POLH: variants seen among roughly 807,000 people sequenced by gnomAD.
POLH encodes the protein DNA polymerase eta transcript.
In POLH, 53 loss-of-function variants were observed where a neutral mutation model predicts 73.6. That is an observed-to-expected ratio of 0.72 (90% CI 0.58 to 0.91). POLH has a LOEUF of 0.91. POLH is among the 40% of genes least tolerant of loss of function. The pLI is 0.00. For synonymous variants in POLH, 292 were observed against 308.5 expected, an observed-to-expected ratio of 0.95 and a Z score of 0.56; for missense variants, 768 against 865.4, an observed-to-expected ratio of 0.89 and a Z score of 1.41.
At chr6:43,592,325 T>C (rs1765545035) in intron 4 of POLH, among the ~76,000 whole-genome samples, 1 of 152,102 alleles carries the variant, frequency 6.6e-6, no homozygotes, top group East Asian at 1.9e-4. Context: ...TACTGAGCTT[T>C]CCATCAACTT....
chr6:43,599,232 A>T (rs1766455944), intron 5 of POLH, among the ~76,000 whole-genome samples: 1 of 151,334 alleles, frequency 6.6e-6, no homozygotes, highest in African/African-American at 2.4e-5. Flanking sequence ...CAAGTGATTC[A>T]CCCACCTCGG....
chr6:43,610,005 T>C (rs1198918239), intron 9 of POLH, among the ~76,000 whole-genome samples: 2 of 151,950 alleles, frequency 1.3e-5, no homozygotes, highest in African/African-American at 4.8e-5. Context: ...TGTGGAACCA[T>C]GTAATCAGAT....
chr6:43,578,467 C>A, intron 1 of POLH: 1 of 435,140 alleles, frequency 2.3e-6, no homozygotes, highest in South Asian at 1.7e-5. Flanking sequence ...TTGTGGAAGT[C>A]AAATATCAGT....
chr6:43,608,107 G>A (rs1299685717), intron 9 of POLH, among the ~76,000 whole-genome samples: 1 of 152,114 alleles, frequency 6.6e-6, no homozygotes, highest in Admixed American at 6.6e-5. Context: ...TCCAGCATGA[G>A]CAACAAGAGC....
intron 1 of POLH, among the ~76,000 whole-genome samples, chr6:43,581,264 G>A (rs1173495128): frequency 6.7e-6 from 1 of 149,470 alleles, no homozygotes; most frequent in East Asian, 2.0e-4. Context: ...TGGGGCGGCG[G>A]GGCAGAGGCG....
intron 4 of POLH, chr6:43,588,389 C>A (rs896630525): frequency 6.6e-6 from 1 of 151,596 alleles, no homozygotes; most frequent in Non-Finnish European, 1.5e-5. Flanking sequence ...CCCTTCCTTT[C>A]TTTTCTTTCT....
chr6:43,587,464 A>G lies in POLH; in HGVS notation c.465A>G (p.Thr155=). Residue 155 remains threonine, a synonymous_variant, in exon 4 of 11, where the codon ACA becomes ACG. Transcript: ENST00000372236. ...TYIEGLPQGP[T]TAEETVQKEG... is the part of the protein sequence containing the mutation. The stretch of plus-strand genomic sequence containing the variant: ...TTGAAGGGTTGCCCCAAGGCCCTAC[A>G]ACGGCAGAAGAGACTGTTCAGAAAG... 6.2e-7 allele frequency: 1 copy of G among 1,613,950 alleles called. No homozygotes were observed. The highest frequency in any genetic ancestry group is 2.2e-5 in the East Asian group (1 of 44,880).
chr6:43,604,797 T>A (rs1217701831), intron 8 of POLH, 59 bp downstream of exon 8: 2 of 1,589,808 alleles, frequency 1.3e-6, no homozygotes, highest in African/African-American at 1.3e-5. Flanking sequence ...GGGTAGGTTT[T>A]GGTAGCTGTG....
chr6:43,582,892 G>A (rs984171719), intron 2 of POLH, 115 bp from the exon 3 acceptor site: 59 of 848,566 alleles, frequency 7.0e-5, no homozygotes, highest in South Asian at 5.7e-4. Context: ...TTGAATGATG[G>A]CATCTGTGGT....
Position 43,595,379 on chromosome 6 carries a change from C to A in POLH, c.491-2317C>A, listed in dbSNP as rs9333536. Among the ~76,000 whole-genome samples, 1,180 of 152,056 alleles carry A rather than the reference C, an allele frequency of 7.8e-3. 80 individuals are homozygous for A. In the East Asian group the frequency reaches 0.17, roughly 22 times the overall value. ...CTCAAACTCCTGACCTTGTGATCTG[C>A]CTGCCTTGGCCTCCCAAAGTGCTGA... On this transcript the variant is annotated intron_variant, in intron 4 of 10. Transcript: ENST00000372236.
intron 4 of POLH, 45 bp downstream of exon 4, chr6:43,587,534 C>G (rs574551062): frequency 6.6e-6 from 9 of 1,359,202 alleles, no homozygotes; most frequent in Non-Finnish European, 9.5e-6. Context: ...GCCTTTGGAA[C>G]CTGCTTTGCT....
intron 1 of POLH, among the ~76,000 whole-genome samples, chr6:43,580,894 GA>G: frequency 6.7e-6 from 1 of 148,954 alleles, no homozygotes; most frequent in South Asian, 2.1e-4. Flanking sequence ...GCGGAGGGCT[GA>G]CCCCCCCACC....
At chr6:43,580,923 G>C (rs1342686276) in intron 1 of POLH, among the ~76,000 whole-genome samples, 1 of 151,200 alleles carries the variant, frequency 6.6e-6, no homozygotes, top group Non-Finnish European at 1.5e-5. Flanking sequence ...CGGACGGCAC[G>C]GCTGGCCAGG....
Position 43,576,412 on chromosome 6 carries a change from G to A in POLH, c.-33G>A, listed in dbSNP as rs1228960036. The A allele has an allele frequency of 6.6e-6, 1 of 152,282 alleles. No individual in the cohort carries two copies. The highest frequency in any genetic ancestry group is 2.4e-5 in the African/African-American group (1 of 41,450). 9.4% of individuals were successfully genotyped at this position (152,282 alleles called of 1,614,324 possible). ...CCCAGCATTTTCGGCAACCGCTGCTGGCAGTTTTGCCAGGTGTTTGTTACC... is the reference window on the plus strand; with the variant it reads ...CCCAGCATTTTCGGCAACCGCTGCTAGCAGTTTTGCCAGGTGTTTGTTACC... On this transcript the variant is annotated 5_prime_UTR_variant, in exon 1 of 11. Transcript: ENST00000372236.
rs2127824491 is a variant in POLH, at chr6:43,616,021, GCTC to G, written c.*1465_*1467del. ...AAACTTCTCTTGGCCGGGCGCAGTG[GCTC>G]ACGCCTGCAATCCCAGCACTTTGGG... On this transcript the variant is annotated 3_prime_UTR_variant, in exon 11 of 11. Coordinates refer to ENST00000372236, the MANE Select transcript of POLH (RefSeq NM_006502.3). Among the ~76,000 whole-genome samples the G allele has an allele frequency of 6.6e-6, 1 of 152,218 alleles. No individual in the cohort carries two copies. The highest frequency in any genetic ancestry group is 1.5e-5 in the Non-Finnish European group (1 of 67,988).
intron 5 of POLH, 128 bp downstream of exon 5, chr6:43,597,993 G>C: frequency 1.3e-6 from 1 of 797,340 alleles, no homozygotes; most frequent in Non-Finnish European, 2.1e-6. Flanking sequence ...TGAGTGGATC[G>C]CGTGAGCCCA....
intron 9 of POLH, among the ~76,000 whole-genome samples, chr6:43,609,562 T>C (rs2127813973): frequency 6.6e-6 from 1 of 152,346 alleles, no homozygotes; most frequent in African/African-American, 2.4e-5. Flanking sequence ...AGCATTCAGA[T>C]GCTTCAGACT....
rs973591123 is a variant in POLH, at chr6:43,619,414, G to A, written c.*4857G>A. On this transcript the variant is annotated 3_prime_UTR_variant, in exon 11 of 11. Coordinates refer to ENST00000372236, the MANE Select transcript of POLH (RefSeq NM_006502.3). ...AAAAAAGACTACATTCACTGTATAC[G>A]TGGCCTTTTCCCCCTAACTAGCTAT... 1.4e-5 allele frequency among the ~76,000 whole-genome samples: 2 copies of A among 146,068 alleles called. No individual in the cohort carries two copies. The highest frequency in any genetic ancestry group is 2.0e-4 in the East Asian group (1 of 4,924).
chr6:43,607,151 G>A (rs1767394154), intron 9 of POLH, among the ~76,000 whole-genome samples: 1 of 152,232 alleles, frequency 6.6e-6, no homozygotes, highest in Non-Finnish European at 1.5e-5. Context: ...CCAGAGTGCA[G>A]TAGTGCAGTC....
Sources: gnomAD v4.1 joint callset for allele counts (sites outside exome capture counted in the v4.1 genomes callset) on GRCh38, gnomAD v4.1.1 for gene constraint, MANE v1.5 for transcripts, NCBI Gene and HGNC (gene_info 2026-07-23, HGNC 2026-07-21) for gene names.